SERPINB7: variants seen among roughly 807,000 people sequenced by gnomAD.
SERPINB7 encodes serpin family B member 7, also known as serpin B7.
Under a neutral mutation model 37.4 loss-of-function variants are expected in SERPINB7, and 31 were observed. The observed-to-expected ratio is 0.83, with a 90% confidence interval of 0.62 to 1.12. The LOEUF (loss-of-function observed/expected upper bound fraction) is 1.12. Among genes scored for constraint, SERPINB7 ranks in the 50% most tolerant of loss-of-function variants. The pLI is 0.00. For missense variants in SERPINB7, 521 were observed against 455.3 expected, an observed-to-expected ratio of 1.14 and a Z score of -1.31; for synonymous variants, 163 against 166.1, an observed-to-expected ratio of 0.98 and a Z score of 0.14.
intron 1 of SERPINB7, among the ~76,000 whole-genome samples, chr18:63,761,322 T>C (rs2049152565): frequency 6.6e-6 from 1 of 152,220 alleles, no homozygotes; most frequent in African/African-American, 2.4e-5. Context: ...TGGCTGTATT[T>C]ACCCAATTCC....
chr18:63,785,674 A>G (rs1181869251), intron 2 of SERPINB7, among the ~76,000 whole-genome samples: 2 of 151,588 alleles, frequency 1.3e-5, no homozygotes, highest in Non-Finnish European at 2.9e-5. Flanking sequence ...GGAAAAGCGT[A>G]TTTACTGACA....
At chr18:63,774,353 T>C (rs778090276), upstream of SERPINB7, among the ~76,000 whole-genome samples, 7 of 152,074 alleles carry the variant, frequency 4.6e-5, no homozygotes, top group Non-Finnish European at 7.4e-5. Context: ...TTCCAATAGC[T>C]TTTTACAATA....
intron 1 of SERPINB7, among the ~76,000 whole-genome samples, chr18:63,780,500 C>G (rs563881088): frequency 6.6e-6 from 1 of 152,164 alleles, no homozygotes; most frequent in Admixed American, 6.5e-5. Flanking sequence ...CCTGCCAACT[C>G]GCATCCTGTA....
intron 2 of SERPINB7, among the ~76,000 whole-genome samples, chr18:63,791,705 G>T (rs1392238669): frequency 3.3e-5 from 5 of 151,964 alleles, no homozygotes; most frequent in Non-Finnish European, 7.4e-5. Context: ...CTACCTCCTG[G>T]GTTCACGCCA....
chr18:63,767,389 T>C (rs887861796), intron 1 of SERPINB7, among the ~76,000 whole-genome samples: 1 of 152,144 alleles, frequency 6.6e-6, no homozygotes, highest in Admixed American at 6.6e-5. Flanking sequence ...ATTGTCTTGA[T>C]TGTATTTAGA....
At chr18:63,761,052 T>C (rs117950510) in intron 1 of SERPINB7, among the ~76,000 whole-genome samples, 1,702 of 152,242 alleles carry the variant, frequency 0.011, 14 homozygotes, top group Non-Finnish European at 0.018. Context: ...TGACAGCTTG[T>C]ACTTTGCGCC....
chr18:63,771,844 A>G (rs913376101), upstream of SERPINB7, among the ~76,000 whole-genome samples: 2 of 151,960 alleles, frequency 1.3e-5, no homozygotes, highest in Admixed American at 6.6e-5. Context: ...TCTGACTTCT[A>G]AGGATAAGTT....
intron 2 of SERPINB7, among the ~76,000 whole-genome samples, chr18:63,784,413 G>A (rs2049344231): frequency 6.6e-6 from 1 of 152,046 alleles, no homozygotes; most frequent in Non-Finnish European, 1.5e-5. Flanking sequence ...GCCCTCAAAA[G>A]CAAAATCAGT....
rs577442939 is a variant in SERPINB7, at chr18:63,798,603, G to A, written c.455-1G>A. ...TTTTCCCTCAATTTTTTTTTCAAAAGGCAAAATCAAGAACGTGATTGGTGA... is the reference window on the plus strand; with the variant it reads ...TTTTCCCTCAATTTTTTTTTCAAAAAGCAAAATCAAGAACGTGATTGGTGA... On this transcript the variant is annotated splice_acceptor_variant, in intron 5 of 7. Transcript: ENST00000398019. LOFTEE classifies it high-confidence loss of function. 3.0e-5 allele frequency: 46 copies of A among 1,510,692 alleles called. No homozygotes were observed. In the East Asian group the frequency reaches 9.4e-4, roughly 31 times the overall value. 93.6% of individuals were successfully genotyped at this position (1,510,692 alleles called of 1,614,324 possible). A position where few individuals can be genotyped will look rare whatever the true frequency, so the allele number is the denominator to read the frequency against.
At chr18:63,781,117 A>C (rs1243588808) in intron 1 of SERPINB7, among the ~76,000 whole-genome samples, 6 of 152,230 alleles carry the variant, frequency 3.9e-5, no homozygotes, top group Non-Finnish European at 7.3e-5. Flanking sequence ...TGACAAAGCC[A>C]ACACAATGGC....
At chr18:63,764,842 CT>C (rs1414338817) in intron 1 of SERPINB7, among the ~76,000 whole-genome samples, 3 of 151,932 alleles carry the variant, frequency 2.0e-5, no homozygotes, top group Non-Finnish European at 4.4e-5. Context: ...TATCTAAAGA[CT>C]ACAGAAGGCA....
In SERPINB7 at chr18:63,804,289, G is replaced by C; in HGVS notation, c.797G>C (p.Arg266Pro). ...CTAATGGAATGGACCAATCCAAGGC[G>C]AATGACCTCTAAGTATGTTGAGGTA... Reference protein sequence around the residue: ...QNLMEWTNPRRMTSKYVEVFF... With the variant: ...QNLMEWTNPRPMTSKYVEVFF... Residue 266 changes from arginine to proline, a missense_variant, in exon 8 of 8, where the codon CGA becomes CCA. Physicochemically the swap from Arg to Pro is moderately radical, Grantham distance 103. Transcript: ENST00000398019. 1 of 1,605,678 alleles carries C rather than the reference G, an allele frequency of 6.2e-7. No individual in the cohort carries two copies. Among genetic ancestry groups the C allele is most frequent in the Non-Finnish European group, 8.5e-7 (1 of 1,176,952 alleles).
chr18:63,772,931 T>G (rs1309526075), upstream of SERPINB7, among the ~76,000 whole-genome samples: 2 of 152,268 alleles, frequency 1.3e-5, no homozygotes, highest in Admixed American at 1.3e-4. Context: ...TTATATCATG[T>G]TATTTATTGC....
chr18:63,768,397 T>G (rs1004817715), intron 1 of SERPINB7, among the ~76,000 whole-genome samples: 3 of 152,220 alleles, frequency 2.0e-5, no homozygotes, highest in African/African-American at 7.2e-5. Flanking sequence ...CCACTATACA[T>G]GTATAATGAT....
intron 5 of SERPINB7, among the ~76,000 whole-genome samples, chr18:63,797,124 C>G (rs2049496792): frequency 6.6e-6 from 1 of 152,146 alleles, no homozygotes; most frequent in Non-Finnish European, 1.5e-5. Flanking sequence ...TTAATCCTTG[C>G]TTTGTTCATC....
At chr18:63,769,327 A>G (rs554028624) in intron 1 of SERPINB7, among the ~76,000 whole-genome samples, 25 of 151,082 alleles carry the variant, frequency 1.7e-4, no homozygotes, top group African/African-American at 5.4e-4. Flanking sequence ...TAAAATTTCT[A>G]TTTGCTATTA....
intron 1 of SERPINB7, among the ~76,000 whole-genome samples, chr18:63,765,314 T>C (rs2049174977): frequency 6.6e-6 from 1 of 152,178 alleles, no homozygotes; most frequent in Non-Finnish European, 1.5e-5. Context: ...CTGAAGATTC[T>C]ACCTCCTAAA....
chr18:63,792,369 G>C, intron 2 of SERPINB7, 24 bp from the exon 3 acceptor site: 2 of 1,560,020 alleles, frequency 1.3e-6, no homozygotes, highest in Non-Finnish European at 1.8e-6. Context: ...TCTAATGATT[G>C]CTTTCCTTGT....
chr18:63,757,592 A>G (rs1046643873), intron 1 of SERPINB7, among the ~76,000 whole-genome samples: 5 of 152,220 alleles, frequency 3.3e-5, no homozygotes, highest in African/African-American at 9.6e-5. Context: ...AAACACAGCC[A>G]TGTCTATTTG....
Sources: allele counts gnomAD v4.1 joint callset (sites outside exome capture counted in the v4.1 genomes callset), GRCh38; gene constraint gnomAD v4.1.1; transcripts MANE v1.5; gene names NCBI Gene and HGNC (gene_info 2026-07-23, HGNC 2026-07-21).